BICDL1: variants seen among roughly 807,000 people sequenced by gnomAD.
BICDL1 encodes BICD family like cargo adaptor 1.
Under a neutral mutation model 76.8 loss-of-function variants are expected in BICDL1, and 20 were observed. The ratio of observed to expected loss-of-function variants is 0.26; its 90% confidence interval spans 0.18 to 0.38. The LOEUF (loss-of-function observed/expected upper bound fraction) is 0.38. Among genes scored for constraint, BICDL1 ranks in the 10% least tolerant of loss-of-function variants. The pLI is 1.00. For missense variants in BICDL1, 700 were observed against 798.6 expected, an observed-to-expected ratio of 0.88 and a Z score of 1.49; for synonymous variants, 383 against 337.1, an observed-to-expected ratio of 1.14 and a Z score of -1.49.
chr12:120,029,637 C>T (rs1280303631), intron 2 of BICDL1, among the ~76,000 whole-genome samples: 1 of 151,906 alleles, frequency 6.6e-6, no homozygotes, highest in African/African-American at 2.4e-5. Flanking sequence ...CCAGTGTTTC[C>T]CAAATTTTTT....
At chr12:120,080,545 T>C (rs1448185779) in intron 7 of BICDL1, 7 of 202,108 alleles carry the variant, frequency 3.5e-5, no homozygotes, top group Non-Finnish European at 5.2e-5. Context: ...TGTGTCATGA[T>C]GACTTATGGT....
At chr12:120,004,886 A>G (rs1409882418) in intron 2 of BICDL1, among the ~76,000 whole-genome samples, 1 of 152,128 alleles carries the variant, frequency 6.6e-6, no homozygotes. Context: ...CAATGGCACG[A>G]TCTCAGCTCA....
chr12:120,093,284 T>G lies in BICDL1; in HGVS notation c.*123T>G. ...CCCTGCCCCTCATGCTAGGGCCCCATGGGTCCGGGAGGGCCTGCTCCCTTT... is the reference window on the plus strand; with the variant it reads ...CCCTGCCCCTCATGCTAGGGCCCCAGGGGTCCGGGAGGGCCTGCTCCCTTT... On this transcript the variant is annotated 3_prime_UTR_variant, in exon 10 of 10. Transcript: ENST00000548673. 1 of 1,180,162 alleles carries G rather than the reference T, an allele frequency of 8.5e-7. No individual in the cohort carries two copies. The highest frequency in any genetic ancestry group is 1.2e-6 in the Non-Finnish European group (1 of 831,430). The allele number at this position is 1,180,162 out of a possible 1,614,324, so 73.1% of individuals were successfully genotyped here.
intron 9 of BICDL1, 141 bp downstream of exon 9, chr12:120,090,212 T>C: frequency 1.0e-6 from 1 of 988,336 alleles, no homozygotes; most frequent in Admixed American, 2.7e-5. Flanking sequence ...CCTGGCAAGA[T>C]CCAGAGCTCA....
intron 8 of BICDL1, among the ~76,000 whole-genome samples, chr12:120,089,605 C>T (rs1365696462): frequency 6.6e-6 from 1 of 152,054 alleles, no homozygotes; most frequent in Non-Finnish European, 1.5e-5. Flanking sequence ...TGGTCTCGAA[C>T]CCTCGATCTC....
At chr12:120,033,133 T>C (rs1006840219) in intron 2 of BICDL1, among the ~76,000 whole-genome samples, 1 of 152,060 alleles carries the variant, frequency 6.6e-6, no homozygotes, top group Non-Finnish European at 1.5e-5. Flanking sequence ...ACCTTTCCGC[T>C]TCAGTAATTT....
intron 2 of BICDL1, among the ~76,000 whole-genome samples, chr12:120,037,124 A>G (rs1338769521): frequency 6.6e-6 from 1 of 152,168 alleles, no homozygotes; most frequent in African/African-American, 2.4e-5. Flanking sequence ...CAGTACTACA[A>G]GTTACTCAGT....
intron 1 of BICDL1, among the ~76,000 whole-genome samples, chr12:119,995,429 A>G (rs1951622360): frequency 6.6e-6 from 1 of 152,146 alleles, no homozygotes; most frequent in Admixed American, 6.6e-5. Context: ...CCTGCCCCCA[A>G]GTGGATTGGA....
intron 1 of BICDL1, among the ~76,000 whole-genome samples, chr12:119,998,068 C>T (rs1951686893): frequency 6.6e-6 from 1 of 152,086 alleles, no homozygotes; most frequent in African/African-American, 2.4e-5. Flanking sequence ...GAGCCAAGAT[C>T]ACACCACTGC....
At chr12:120,054,350 T>G (rs1302965763) in intron 2 of BICDL1, among the ~76,000 whole-genome samples, 2 of 152,104 alleles carry the variant, frequency 1.3e-5, no homozygotes, top group African/African-American at 2.4e-5. Flanking sequence ...GGTGCTGGGA[T>G]TACAGGCATG....
intron 4 of BICDL1, among the ~76,000 whole-genome samples, chr12:120,065,390 T>C (rs1239779422): frequency 1.3e-5 from 2 of 152,230 alleles, no homozygotes; most frequent in East Asian, 1.9e-4. Flanking sequence ...CTGACCCCTT[T>C]GTGAGCCTCA....
chr12:120,024,877 C>T (rs1479853678), intron 2 of BICDL1, among the ~76,000 whole-genome samples: 1 of 151,948 alleles, frequency 6.6e-6, no homozygotes, highest in Middle Eastern at 3.4e-3. Context: ...GGATTTTCAC[C>T]ATGTTGGCCA....
chr12:119,997,780 G>T (rs1161391076), intron 1 of BICDL1, among the ~76,000 whole-genome samples: 1 of 151,986 alleles, frequency 6.6e-6, no homozygotes, highest in Non-Finnish European at 1.5e-5. Flanking sequence ...CTGGTATTAT[G>T]CCATGGATAA....
intron 2 of BICDL1, among the ~76,000 whole-genome samples, chr12:120,030,079 A>G (rs1298642070): frequency 6.6e-6 from 1 of 152,240 alleles, no homozygotes; most frequent in Admixed American, 6.5e-5. Context: ...TGATAGATGT[A>G]TACATTGCAA....
chr12:119,990,057 G>T lies in BICDL1; in HGVS notation c.189G>T (p.Leu63=), dbSNP rs749566747. 6 of 1,533,736 alleles carry T rather than the reference G, an allele frequency of 3.9e-6. No individual in the cohort carries two copies. Among genetic ancestry groups the T allele is most frequent in the Non-Finnish European group, 2.6e-6 (3 of 1,142,930 alleles). ...ELALEEELAL[L]AAGERPSDPG... Reference sequence around the variant, plus strand: ...CGTTAGAGGAGGAGCTGGCGCTGCTGGCGGCCGGGGAGCGGCCGTCCGACC... The same window carrying T: ...CGTTAGAGGAGGAGCTGGCGCTGCTTGCGGCCGGGGAGCGGCCGTCCGACC... Residue 63 remains leucine, a synonymous_variant, in exon 1 of 10, where the codon CTG becomes CTT. Transcript: ENST00000548673.
At chr12:119,996,390 A>AG (rs1951646258) in intron 1 of BICDL1, among the ~76,000 whole-genome samples, 1 of 152,212 alleles carries the variant, frequency 6.6e-6, no homozygotes, top group South Asian at 2.1e-4. Context: ...AGGATGAAGG[A>AG]GGCTAATCTC....
At chr12:120,002,133 G>A (rs10849732) in intron 2 of BICDL1, among the ~76,000 whole-genome samples, 33,346 of 152,006 alleles carry the variant, frequency 0.22, 3,943 homozygotes, top group East Asian at 0.41. Flanking sequence ...GTCACCCTCC[G>A]CAAAAGAAAC....
intron 2 of BICDL1, among the ~76,000 whole-genome samples, chr12:120,033,522 G>T (rs191322843): frequency 1.3e-5 from 2 of 151,486 alleles, no homozygotes; most frequent in African/African-American, 4.9e-5. Flanking sequence ...GGCTACAGGC[G>T]CCCGCCTCCA....
intron 1 of BICDL1, among the ~76,000 whole-genome samples, chr12:119,998,231 A>G (rs376341658): frequency 1.3e-5 from 2 of 152,208 alleles, no homozygotes; most frequent in African/African-American, 4.8e-5. Flanking sequence ...ATGATTGGCA[A>G]ATTTCAAGTG....
Sources: allele counts gnomAD v4.1 joint callset (sites outside exome capture counted in the v4.1 genomes callset), GRCh38; gene constraint gnomAD v4.1.1; transcripts MANE v1.5; gene names NCBI Gene and HGNC (gene_info 2026-07-23, HGNC 2026-07-21).